SESN1: variants seen among roughly 807,000 people sequenced by gnomAD.
SESN1 encodes the protein sestrin 1.
In SESN1, 30 loss-of-function variants were observed where a neutral mutation model predicts 59.3. The ratio of observed to expected loss-of-function variants is 0.51; its 90% confidence interval spans 0.38 to 0.69. The LOEUF (loss-of-function observed/expected upper bound fraction) is 0.69, where lower values mean the gene tolerates loss of function less well. SESN1 is among the 30% of genes least tolerant of loss of function. SESN1 has a pLI of 0.00. For missense variants in SESN1, 566 were observed against 673.0 expected (o/e 0.84, Z 1.76); for synonymous variants, 197 against 219.9 (o/e 0.90, Z 0.92).
At chr6:109,065,723 T>C (rs951489108) in intron 1 of SESN1, among the ~76,000 whole-genome samples, 4 of 152,082 alleles carry the variant, frequency 2.6e-5, no homozygotes, top group Admixed American at 6.5e-5. Flanking sequence ...ACATATGTGA[T>C]TGTAATATTC....
chr6:109,001,148 G>C, intron 3 of SESN1, 140 bp downstream of exon 3: 1 of 740,566 alleles, frequency 1.4e-6, no homozygotes. Flanking sequence ...TTTAAAAATA[G>C]GAAAAACAGA....
chr6:109,068,277 G>T (rs1202711944), intron 1 of SESN1, among the ~76,000 whole-genome samples: 1 of 152,114 alleles, frequency 6.6e-6, no homozygotes, highest in Non-Finnish European at 1.5e-5. Flanking sequence ...GGGAGAAAAA[G>T]AAACTAATTA....
At position 109,086,655 on chromosome 6, in the gene SESN1, T is replaced by G. The variant is rs139989547; in HGVS notation, c.279+7140A>C. Reference sequence around the variant, plus strand: ...CTAATTAAGCCATTGTTTTAGAGGATCCTTCATGATGTCATGAACAACCCA... The same window carrying G: ...CTAATTAAGCCATTGTTTTAGAGGAGCCTTCATGATGTCATGAACAACCCA... On this transcript the variant is annotated intron_variant, in intron 1 of 9. Transcript: ENST00000436639. Among the ~76,000 whole-genome samples, 1,093 of 152,360 alleles carry G rather than the reference T, an allele frequency of 7.2e-3. 11 individuals carry two copies. The highest frequency in any genetic ancestry group is 0.025 in the African/African-American group (1,026 of 41,588).
chr6:109,026,469 T>C (rs979755844), intron 1 of SESN1, among the ~76,000 whole-genome samples: 2 of 152,016 alleles, frequency 1.3e-5, no homozygotes, highest in Admixed American at 1.3e-4. Flanking sequence ...TGGCTTGGAG[T>C]GGAATGGCTA....
At chr6:109,024,458 C>G (rs533359949) in intron 1 of SESN1, among the ~76,000 whole-genome samples, 1 of 152,284 alleles carries the variant, frequency 6.6e-6, no homozygotes, top group South Asian at 2.1e-4. Context: ...TTAAAAAGCC[C>G]TGACAGCACC....
rs191073344 is a variant in SESN1, at chr6:109,006,565, C to T, written c.280-4222G>A. Among the ~76,000 whole-genome samples the T allele has an allele frequency of 1.2e-3, 189 of 151,536 alleles. 3 individuals are homozygous for T. Among genetic ancestry groups the T allele is most frequent in the East Asian group, 0.012 (59 of 5,128 alleles). On this transcript the variant is annotated intron_variant, in intron 1 of 9. Transcript: ENST00000436639. ...AGTCAGTACTAGTGAGTGGTGGAGA[C>T]GGGGGCTGAATCAATGACATCTGGT...
chr6:108,990,455 G>C (rs564156368), intron 8 of SESN1, among the ~76,000 whole-genome samples, 190 bp downstream of exon 8: 5 of 152,328 alleles, frequency 3.3e-5, no homozygotes, highest in South Asian at 4.1e-4. Flanking sequence ...CTCCTGCCTA[G>C]CTAGGAAAGA....
chr6:109,085,573 T>C (rs1199579404), intron 1 of SESN1, among the ~76,000 whole-genome samples: 2 of 151,992 alleles, frequency 1.3e-5, no homozygotes, highest in Non-Finnish European at 2.9e-5. Context: ...TTCTGAAGAA[T>C]CCTTGAAATC....
rs1461143814 is a variant in SESN1, at chr6:109,000,484, T to A, written c.729+7A>T. On this transcript the variant is annotated splice_region_variant and intron_variant, in intron 4 of 9. Transcript: ENST00000436639. ...TGACTCCCAAGATATATTACCCCAC[T>A]GCTTACCTCAATGTGTTCTTTGGTA... 5.2e-6 allele frequency: 8 copies of A among 1,529,548 alleles called. No individual in the cohort carries two copies. The highest frequency in any genetic ancestry group is 7.0e-6 in the Non-Finnish European group (8 of 1,135,914). 94.7% of individuals were successfully genotyped at this position (1,529,548 alleles called of 1,614,324 possible).
chr6:109,040,663 T>TTG (rs1049472662), intron 1 of SESN1, among the ~76,000 whole-genome samples: 2 of 151,952 alleles, frequency 1.3e-5, no homozygotes, highest in Non-Finnish European at 2.9e-5. Flanking sequence ...TAATCTTTTT[T>TTG]TTTTTTTTTG....
chr6:109,072,764 T>C (rs573236393), intron 1 of SESN1, among the ~76,000 whole-genome samples: 1 of 152,036 alleles, frequency 6.6e-6, no homozygotes, highest in Non-Finnish European at 1.5e-5. Context: ...ATTCAAGGAG[T>C]TTAAAGTAAA....
chr6:109,011,440 A>G (rs1779856255), intron 1 of SESN1, among the ~76,000 whole-genome samples: 1 of 152,146 alleles, frequency 6.6e-6, no homozygotes, highest in South Asian at 2.1e-4. Context: ...CCTTCAAGCC[A>G]TTAAATGTCA....
Position 109,094,294 on chromosome 6 carries a change from T to C in SESN1, c.-221A>G, listed in dbSNP as rs975510316. 9.1e-6 allele frequency: 5 copies of C among 550,372 alleles called. No homozygotes were observed. Among genetic ancestry groups the C allele is most frequent in the Non-Finnish European group, 1.6e-5 (5 of 314,180 alleles). The allele number at this position is 550,372 out of a possible 1,614,324, so 34.1% of individuals were successfully genotyped here. The stretch of plus-strand genomic sequence containing the variant: ...CTTGTACACGAAAGGGCAGTCTTCT[T>C]TCTGGAAAAACAAAGTTTGAAAGTT... On this transcript the variant is annotated 5_prime_UTR_variant, in exon 1 of 10. Transcript: ENST00000436639.
chr6:109,007,556 C>G (rs1779758484), intron 1 of SESN1, among the ~76,000 whole-genome samples: 2 of 152,158 alleles, frequency 1.3e-5, no homozygotes, highest in East Asian at 3.9e-4. Context: ...AACATTTCAA[C>G]AAGGTAAAGA....
chr6:109,031,761 T>G (rs569295249), intron 1 of SESN1, among the ~76,000 whole-genome samples: 1 of 152,278 alleles, frequency 6.6e-6, no homozygotes, highest in South Asian at 2.1e-4. Context: ...TTAGAGGAAG[T>G]ATAAAGAAGT....
intron 1 of SESN1, among the ~76,000 whole-genome samples, chr6:109,087,351 A>G (rs1237628894): frequency 6.6e-6 from 1 of 152,044 alleles, no homozygotes; most frequent in African/African-American, 2.4e-5. Context: ...ATTTAGAAAA[A>G]AAAAGTTAAA....
chr6:109,031,761 T>C (rs569295249), intron 1 of SESN1, among the ~76,000 whole-genome samples: 2 of 152,160 alleles, frequency 1.3e-5, no homozygotes, highest in African/African-American at 4.8e-5. Flanking sequence ...TTAGAGGAAG[T>C]ATAAAGAAGT....
At chr6:109,080,256 A>T (rs1158760806) in intron 1 of SESN1, among the ~76,000 whole-genome samples, 2 of 152,240 alleles carry the variant, frequency 1.3e-5, no homozygotes, top group Non-Finnish European at 2.9e-5. Flanking sequence ...TGTCATGGCA[A>T]CAATGAACTA....
intron 1 of SESN1, among the ~76,000 whole-genome samples, chr6:109,046,125 G>A (rs941094546): frequency 3.2e-4 from 47 of 145,812 alleles, no homozygotes; most frequent in Admixed American, 2.1e-3. Flanking sequence ...CTCTCCCCAC[G>A]GTCTCCCTCT....
Sources: allele counts gnomAD v4.1 joint callset (sites outside exome capture counted in the v4.1 genomes callset), GRCh38; gene constraint gnomAD v4.1.1; transcripts MANE v1.5; gene names NCBI Gene and HGNC (gene_info 2026-07-23, HGNC 2026-07-21).